Variants in RBFOX1 observed in about 807,000 individuals in gnomAD.
RBFOX1 encodes RNA binding protein fox-1 homolog 1.
A neutral mutation model predicts 57.7 loss-of-function variants in RBFOX1; 8 were observed. The ratio of observed to expected loss-of-function variants is 0.14; its 90% CI spans 0.08 to 0.25. RBFOX1 has a LOEUF of 0.25. RBFOX1 is among the 10% of genes least tolerant of loss of function. RBFOX1 has a pLI of 1.00. For missense variants in RBFOX1, 611 were observed against 548.5 expected (o/e 1.11, Z -1.14); for synonymous variants, 326 against 222.4 (o/e 1.47, Z -4.15).
intron 2 of RBFOX1, among the ~76,000 whole-genome samples, chr16:6,393,270 G>T (rs1021060446): frequency 6.6e-5 from 10 of 152,264 alleles, no homozygotes; most frequent in Non-Finnish European, 8.8e-5. Context: ...AGGGTTTTAA[G>T]AAACTCAATC....
At chr16:7,298,285 G>GTTTTTTTTT (rs201092743) in intron 4 of RBFOX1, among the ~76,000 whole-genome samples, 29 of 96,574 alleles carry the variant, frequency 3.0e-4, no homozygotes, top group African/African-American at 4.8e-4. Context: ...GTTTTTTTTT[G>GTTTTTTTTT]TTTTTTTTTT....
At chr16:7,417,987 C>A (rs547461311) in intron 4 of RBFOX1, among the ~76,000 whole-genome samples, 1 of 152,102 alleles carries the variant, frequency 6.6e-6, no homozygotes, top group Non-Finnish European at 1.5e-5. Flanking sequence ...CACCCTCATC[C>A]CACAGATGGG....
In RBFOX1 at chr16:7,163,586, A is replaced by G. The variant is rs549426132; in HGVS notation, c.27+111488A>G. On this transcript the variant is annotated intron_variant, in intron 4 of 15. Coordinates refer to ENST00000550418, the MANE Select transcript of RBFOX1 (RefSeq NM_018723.4). Reference sequence around the variant, plus strand: ...TCTCAATAAGCTCTTTCATCATCTCAGTTTCTACAGAGCAGAATAAGCTGA... The same window carrying G: ...TCTCAATAAGCTCTTTCATCATCTCGGTTTCTACAGAGCAGAATAAGCTGA... Among the ~76,000 whole-genome samples the G allele has an allele frequency of 1.1e-4, 16 of 151,092 alleles. No individual in the cohort carries two copies. In the South Asian group the frequency reaches 2.4e-3, roughly 22 times the overall value.
chr16:6,616,172 G>C (rs1304383783), intron 2 of RBFOX1, among the ~76,000 whole-genome samples: 1 of 152,124 alleles, frequency 6.6e-6, no homozygotes, highest in Non-Finnish European at 1.5e-5. Flanking sequence ...CATTGTATGT[G>C]TATTTAACTT....
At chr16:6,618,977 C>A (rs564170787) in intron 2 of RBFOX1, among the ~76,000 whole-genome samples, 1 of 152,100 alleles carries the variant, frequency 6.6e-6, no homozygotes, top group Non-Finnish European at 1.5e-5. Flanking sequence ...TATTTATAGT[C>A]CAGAGTGGGA....
chr16:6,059,928 A>T (rs1336625088), intron 1 of RBFOX1, among the ~76,000 whole-genome samples: 3 of 152,168 alleles, frequency 2.0e-5, no homozygotes, highest in Non-Finnish European at 4.4e-5. Flanking sequence ...GTATAAAATT[A>T]TAACAACATC....
chr16:6,374,406 C>G (rs920121475), intron 2 of RBFOX1, among the ~76,000 whole-genome samples: 3 of 152,114 alleles, frequency 2.0e-5, no homozygotes, highest in Non-Finnish European at 2.9e-5. Flanking sequence ...TTTCTATTTT[C>G]TCATACTAAG....
At chr16:6,935,821 C>G (rs539299120) in intron 3 of RBFOX1, among the ~76,000 whole-genome samples, 1 of 152,266 alleles carries the variant, frequency 6.6e-6, no homozygotes, top group South Asian at 2.1e-4. Flanking sequence ...AGGCATGCCA[C>G]AGAGTTTATC....
chr16:6,702,069 C>T (rs916753058), intron 3 of RBFOX1, among the ~76,000 whole-genome samples: 2 of 152,074 alleles, frequency 1.3e-5, no homozygotes, highest in African/African-American at 4.8e-5. Flanking sequence ...GTATAACAAA[C>T]CTGCACATGT....
At chr16:6,676,354 G>C (rs114552826) in intron 3 of RBFOX1, among the ~76,000 whole-genome samples, 1,587 of 152,152 alleles carry the variant, frequency 0.01, 17 homozygotes, top group Non-Finnish European at 0.016. Flanking sequence ...GTCATGAGCT[G>C]TTTCGTTTTT....
intron 4 of RBFOX1, among the ~76,000 whole-genome samples, chr16:7,311,772 A>G (rs909969305): frequency 6.6e-6 from 1 of 152,240 alleles, no homozygotes; most frequent in African/African-American, 2.4e-5. Flanking sequence ...ATTTAGAGCC[A>G]GTTGGTATCA....
chr16:6,941,319 C>G (rs934309441), intron 3 of RBFOX1, among the ~76,000 whole-genome samples: 4 of 132,666 alleles, frequency 3.0e-5, no homozygotes, highest in African/African-American at 1.2e-4. Flanking sequence ...TCCTTCCTTC[C>G]TTCCTTCCTT....
At chr16:6,711,837 AG>A (rs1007244083) in intron 3 of RBFOX1, among the ~76,000 whole-genome samples, 3 of 152,112 alleles carry the variant, frequency 2.0e-5, no homozygotes, top group African/African-American at 7.2e-5. Flanking sequence ...AACCTTCCCC[AG>A]GTACCCCTAG....
chr16:7,079,765 TG>T (rs1190754059), intron 4 of RBFOX1, among the ~76,000 whole-genome samples: 3 of 151,716 alleles, frequency 2.0e-5, no homozygotes, highest in Non-Finnish European at 4.4e-5. Context: ...CACAGGGTGG[TG>T]TTTGTGTGTG....
intron 1 of RBFOX1, among the ~76,000 whole-genome samples, chr16:6,131,123 A>T (rs2096626761): frequency 6.6e-6 from 1 of 152,208 alleles, no homozygotes; most frequent in Admixed American, 6.5e-5. Flanking sequence ...GAGAAAGTTC[A>T]GAACACTCAT....
intron 4 of RBFOX1, among the ~76,000 whole-genome samples, chr16:7,205,832 T>C (rs1416564586): frequency 6.6e-6 from 1 of 152,208 alleles, no homozygotes; most frequent in Non-Finnish European, 1.5e-5. Context: ...GAGAGAACTG[T>C]GTGTAGTAAT....
intron 4 of RBFOX1, among the ~76,000 whole-genome samples, chr16:7,307,068 G>A (rs1439034155): frequency 6.6e-6 from 1 of 152,120 alleles, no homozygotes; most frequent in Non-Finnish European, 1.5e-5. Flanking sequence ...TTTTATAATT[G>A]TTTAGAAATA....
intron 3 of RBFOX1, among the ~76,000 whole-genome samples, chr16:6,981,725 C>T (rs1157527104): frequency 7.2e-5 from 11 of 152,102 alleles, no homozygotes; most frequent in Admixed American, 7.2e-4. Context: ...CTGAGAACAG[C>T]ACATGAAAGA....
At chr16:6,829,414 A>G (rs185783140) in intron 3 of RBFOX1, among the ~76,000 whole-genome samples, 9 of 151,724 alleles carry the variant, frequency 5.9e-5, no homozygotes, top group Admixed American at 5.9e-4. Context: ...ACGATTGTAA[A>G]AGGCTATTTG....
Sources: allele counts gnomAD v4.1 joint callset (sites outside exome capture counted in the v4.1 genomes callset), GRCh38; gene constraint gnomAD v4.1.1; transcripts MANE v1.5; gene names NCBI Gene and HGNC (gene_info 2026-07-23, HGNC 2026-07-21).